CA10: variants seen among roughly 807,000 people sequenced by gnomAD.
CA10 encodes the protein carbonic anhydrase-related protein 10.
In CA10, 14 loss-of-function variants were observed where a neutral mutation model predicts 44.2. The observed-to-expected ratio is 0.32, with a 90% CI of 0.21 to 0.50. The LOEUF (loss-of-function observed/expected upper bound fraction) is 0.50, where lower values mean the gene tolerates loss of function less well. Ranked by LOEUF, CA10 falls within the 20% of genes least tolerant of loss-of-function variation. The pLI is 0.99. For synonymous variants in CA10, 159 were observed against 141.6 expected (o/e 1.12, Z -0.87); for missense variants, 350 against 409.7 (o/e 0.85, Z 1.26).
intron 2 of CA10, among the ~76,000 whole-genome samples, chr17:52,026,137 T>C (rs1828288429): frequency 1.3e-5 from 2 of 152,104 alleles, no homozygotes; most frequent in African/African-American, 4.8e-5. Context: ...AGTAAACTTG[T>C]CCCAGTGAAG....
chr17:52,020,514 C>T (rs979984862), intron 2 of CA10, among the ~76,000 whole-genome samples: 7 of 151,806 alleles, frequency 4.6e-5, no homozygotes, highest in Admixed American at 1.3e-4. Flanking sequence ...TCTGCAAATC[C>T]GTCATTTTTT....
rs199942316 is a variant in CA10 at position 51,635,902 on chromosome 17, C to T, written c.742G>A (p.Ala248Thr). 4 of 1,608,618 alleles carry T rather than the reference C, an allele frequency of 2.5e-6. No individual in the cohort carries two copies. In the East Asian group the frequency reaches 6.7e-5, roughly 27 times the overall value. ...SMTIPPCYET[A>T]SWIIMNKPVY... ...GGTTTGTTCATTATGATCCAACTTG[C>T]TGTCTCATAGCAGGGTGGGATAGTC... The change falls in exon 7 of 9, where the codon GCA becomes ACA. Residue 248 changes from alanine to threonine, a missense_variant. Ala to Thr is a moderately conservative substitution (Grantham distance 58). Transcript: ENST00000451037.
chr17:52,084,170 G>A (rs1326687952), intron 1 of CA10, among the ~76,000 whole-genome samples: 1 of 152,214 alleles, frequency 6.6e-6, no homozygotes, highest in Non-Finnish European at 1.5e-5. Context: ...CAGGAAACAT[G>A]TGGTCTTCGC....
chr17:51,641,131 T>TTC (rs999924010), intron 6 of CA10, among the ~76,000 whole-genome samples: 10 of 92,520 alleles, frequency 1.1e-4, no homozygotes, highest in East Asian at 3.4e-4. Flanking sequence ...TATCCCCTCT[T>TTC]TCTCTCTCTC....
intron 1 of CA10, among the ~76,000 whole-genome samples, chr17:52,081,611 T>C (rs1987980168): frequency 6.6e-6 from 1 of 151,872 alleles, no homozygotes; most frequent in East Asian, 1.9e-4. Context: ...CCATCCCGGC[T>C]AAAACGGTGA....
chr17:51,968,248 T>A (rs1433794224), intron 2 of CA10, among the ~76,000 whole-genome samples: 1 of 151,898 alleles, frequency 6.6e-6, no homozygotes, highest in East Asian at 1.9e-4. Flanking sequence ...TCAAAACCTG[T>A]ATGCAGATAT....
chr17:51,871,317 C>T (rs566135733), intron 3 of CA10, among the ~76,000 whole-genome samples: 12 of 150,952 alleles, frequency 7.9e-5, no homozygotes, highest in East Asian at 3.9e-4. Context: ...CTGCAACCTT[C>T]GCCTCCCAGG....
chr17:51,835,899 T>C (rs1263894), intron 3 of CA10, among the ~76,000 whole-genome samples: 47,635 of 151,942 alleles, frequency 0.31, 7,994 homozygotes, highest in East Asian at 0.49. Context: ...AAGATGACAT[T>C]TGAGCTAGAA....
intron 2 of CA10, among the ~76,000 whole-genome samples, chr17:51,937,206 C>T (rs1198438961): frequency 6.6e-6 from 1 of 152,162 alleles, no homozygotes; most frequent in African/African-American, 2.4e-5. Context: ...GCAATCTCTA[C>T]TTTGGGGTTA....
At chr17:51,820,404 TACCC>T (rs1349710865) in intron 3 of CA10, among the ~76,000 whole-genome samples, 1 of 21,608 alleles carries the variant, frequency 4.6e-5, no homozygotes, top group African/African-American at 2.7e-4. Flanking sequence ...GGGATTCCCC[TACCC>T]CCCCCCCCCC....
intron 3 of CA10, among the ~76,000 whole-genome samples, chr17:51,919,837 A>G (rs1196438300): frequency 6.6e-6 from 1 of 152,146 alleles, no homozygotes; most frequent in Non-Finnish European, 1.5e-5. Context: ...ATTTTTTAGT[A>G]GAGACGGGGT....
intron 2 of CA10, among the ~76,000 whole-genome samples, chr17:51,982,556 A>G (rs1984687212): frequency 6.6e-6 from 1 of 151,972 alleles, no homozygotes; most frequent in African/African-American, 2.4e-5. Context: ...ACTTTGGTTG[A>G]ACTAATTTGT....
At chr17:51,957,909 C>A (rs1983727552) in intron 2 of CA10, among the ~76,000 whole-genome samples, 2 of 152,028 alleles carry the variant, frequency 1.3e-5, no homozygotes, top group African/African-American at 2.4e-5. Flanking sequence ...CTCACTCCCC[C>A]CGAGAGGGGT....
At chr17:52,042,142 C>A (rs901479787) in intron 2 of CA10, among the ~76,000 whole-genome samples, 3 of 151,952 alleles carry the variant, frequency 2.0e-5, no homozygotes, top group African/African-American at 4.8e-5. Context: ...TACAGTAGTT[C>A]AATTTTAAAG....
At position 51,649,254 on chromosome 17, in the gene CA10, C is replaced by A; in HGVS notation, c.562G>T (p.Val188Phe). 1 of 1,609,116 alleles carries A rather than the reference C, an allele frequency of 6.2e-7. No homozygotes were observed. The highest frequency in any genetic ancestry group is 8.5e-7 in the Non-Finnish European group (1 of 1,175,642). Residue 188 changes from valine (V) to phenylalanine (F), a missense_variant and splice_region_variant, in exon 6 of 9, where the codon GTT becomes TTT. Coordinates refer to ENST00000451037, the MANE Select transcript of CA10 (RefSeq NM_020178.5). ...AGAAATGGGTTTGATGAATCAGAAA[C>A]CTGGAGGAGAAAAGAAAATATTAAT... ...GLVVVSIFIK[V>F]SDSSNPFLNR...
At chr17:51,703,812 G>A (rs565992250) in intron 4 of CA10, among the ~76,000 whole-genome samples, 4 of 152,184 alleles carry the variant, frequency 2.6e-5, no homozygotes, top group Admixed American at 6.5e-5. Flanking sequence ...AGCAAGCTAG[G>A]CTCCTTTCCA....
chr17:52,152,003 T>A (rs957305632), intron 1 of CA10, among the ~76,000 whole-genome samples: 11 of 152,118 alleles, frequency 7.2e-5, no homozygotes, highest in Admixed American at 6.6e-4. Context: ...GGTGTTTTTT[T>A]ATCCTTATAA....
At chr17:51,907,720 C>G (rs1054202389) in intron 3 of CA10, among the ~76,000 whole-genome samples, 2 of 152,122 alleles carry the variant, frequency 1.3e-5, no homozygotes, top group African/African-American at 2.4e-5. Flanking sequence ...AATGGGGGAC[C>G]ATTTTGAAGG....
At chr17:52,103,377 C>T (rs931035581) in intron 1 of CA10, among the ~76,000 whole-genome samples, 16 of 152,236 alleles carry the variant, frequency 1.1e-4, no homozygotes, top group Admixed American at 1.0e-3. Flanking sequence ...TCCACAGTGA[C>T]TTCTAAGGCC....
Sources: gnomAD v4.1 joint callset for allele counts (sites outside exome capture counted in the v4.1 genomes callset) on GRCh38, gnomAD v4.1.1 for gene constraint, MANE v1.5 for transcripts, NCBI Gene and HGNC (gene_info 2026-07-23, HGNC 2026-07-21) for gene names.